The following POGZ variants were observed in gnomAD, a reference collection of about 807,000 sequenced individuals.
POGZ encodes pogo transposable element derived with ZNF domain.
A neutral mutation model predicts 134.6 loss-of-function variants in POGZ; 17 were observed. The ratio of observed to expected loss-of-function variants is 0.13; its 90% CI spans 0.09 to 0.19. The LOEUF (loss-of-function observed/expected upper bound fraction) is 0.19, where lower values mean the gene tolerates loss of function less well. Ranked by LOEUF, POGZ falls within the 10% of genes least tolerant of loss-of-function variation. POGZ has a pLI of 1.00. For missense variants in POGZ, 1,306 were observed against 1,769.7 expected (o/e 0.74, Z 4.70); for synonymous variants, 693 against 657.1 (o/e 1.05, Z -0.84).
Position 151,406,993 on chromosome 1 carries a change from G to A in POGZ, c.2463C>T (p.Thr821=). 1.2e-6 allele frequency: 2 copies of A among 1,614,038 alleles called. No homozygotes were observed. The highest frequency in any genetic ancestry group is 1.7e-6 in the Non-Finnish European group (2 of 1,179,968). ...TAGCATCGCCCACAGAGGTAACAAA[G>A]GTACATGAAGTGCAGGCCAGCTTGA... is the stretch of plus-strand genomic sequence containing the variant. The part of the protein sequence containing the change: ...SGIKLACTSC[T]FVTSVGDAMA... Residue 821 remains threonine, a synonymous_variant, in exon 17 of 19, where the codon ACC becomes ACT. Coordinates refer to ENST00000271715, the MANE Select transcript of POGZ (RefSeq NM_015100.4).
In POGZ at chr1:151,430,904, CTTTATTTTATTTTAT is replaced by C. The variant is rs60227751; in HGVS notation, c.284-78_284-64del. ...GAAACAATGTTAAACCCACATTTTA[CTTTATTTTATTTTAT>C]TTTATTTTATTTTATTTTATTTTAT... is the stretch of plus-strand genomic sequence containing the variant. On this transcript the variant is annotated intron_variant, in intron 3 of 18. Coordinates refer to ENST00000271715, the MANE Select transcript of POGZ (RefSeq NM_015100.4). The C allele has an allele frequency of 0.19, 81,852 of 426,554 alleles. 10,781 individuals are homozygous for C. Among genetic ancestry groups the C allele is most frequent in the South Asian group, 0.24 (6,068 of 25,036 alleles). 26.4% of individuals were successfully genotyped at this position (426,554 alleles called of 1,614,324 possible).
chr1:151,417,688 C>CCACA (rs59753677), intron 10 of POGZ, among the ~76,000 whole-genome samples: 3,143 of 137,508 alleles, frequency 0.023, 48 homozygotes, highest in Admixed American at 0.037. Flanking sequence ...GGTACTGTGG[C>CCACA]CACACACACA....
At chr1:151,459,116 G>A (rs1433907033) in intron 1 of POGZ, 36 bp downstream of exon 1, 5 of 151,358 alleles carry the variant, frequency 3.3e-5, no homozygotes, top group Admixed American at 6.6e-5. Context: ...CCGGGAGCAG[G>A]GGGTGGGGAG....
At chr1:151,443,509 G>A (rs1445299364) in intron 1 of POGZ, among the ~76,000 whole-genome samples, 1 of 152,196 alleles carries the variant, frequency 6.6e-6, no homozygotes. Flanking sequence ...GAGATCGGGA[G>A]TTTGAGATCA....
chr1:151,426,663 A>C (rs1657840002), intron 7 of POGZ: 1 of 151,996 alleles, frequency 6.6e-6, no homozygotes, highest in Admixed American at 6.5e-5. Context: ...AAAAGTTTTA[A>C]ATTTTGATAT....
intron 3 of POGZ, among the ~76,000 whole-genome samples, chr1:151,440,631 C>T (rs184613706): frequency 6.6e-6 from 1 of 152,036 alleles, no homozygotes; most frequent in African/African-American, 2.4e-5. Flanking sequence ...AACCAACCAA[C>T]CAAACAAAAA....
intron 15 of POGZ, 64 bp downstream of exon 15, chr1:151,408,036 A>T: frequency 2.4e-6 from 3 of 1,248,374 alleles, no homozygotes; most frequent in Non-Finnish European, 3.3e-6. Flanking sequence ...AAAAAAGAAG[A>T]AGAAGAAGAA....
chr1:151,406,623 A>G lies in POGZ; in HGVS notation c.2554T>C (p.Trp852Arg). The change falls in exon 18 of 19, where the codon TGG becomes CGG. Residue 852 changes from tryptophan to arginine, a missense_variant. By Grantham distance (101) the Trp-to-Arg change is moderately radical (BLOSUM62 -3). Coordinates refer to ENST00000271715, the MANE Select transcript of POGZ (RefSeq NM_015100.4). ...SSSILPRGLTWIAHSRHGQTR... is the reference protein window; with the variant it reads ...SSSILPRGLTRIAHSRHGQTR... Reference sequence around the variant, plus strand: ...TTTTGTTACCTTGAGTGAGCTATCCAAGTGAGTCCTATGGAAAATGAAACA... The same window carrying G: ...TTTTGTTACCTTGAGTGAGCTATCCGAGTGAGTCCTATGGAAAATGAAACA... 1 of 1,610,216 alleles carries G rather than the reference A, an allele frequency of 6.2e-7. No individual in the cohort carries two copies. The highest frequency in any genetic ancestry group is 2.2e-5 in the East Asian group (1 of 44,876).
At chr1:151,453,085 G>C (rs1327286954) in intron 1 of POGZ, among the ~76,000 whole-genome samples, 1 of 151,812 alleles carries the variant, frequency 6.6e-6, no homozygotes, top group Admixed American at 6.6e-5. Flanking sequence ...ACAACGCCCA[G>C]CTAATTTTTG....
intron 1 of POGZ, among the ~76,000 whole-genome samples, chr1:151,443,456 T>C (rs1660844218): frequency 1.3e-5 from 2 of 152,202 alleles, no homozygotes; most frequent in African/African-American, 4.8e-5. Context: ...TCCCAGCACT[T>C]TGGGAGGCCG....
intron 1 of POGZ, among the ~76,000 whole-genome samples, chr1:151,446,003 T>C (rs4147451): frequency 0.079 from 11,977 of 151,280 alleles, 1,320 homozygotes; most frequent in East Asian, 0.44. Flanking sequence ...ACACCACCAT[T>C]CTCTGTGGTC....
intron 3 of POGZ, among the ~76,000 whole-genome samples, chr1:151,439,520 C>A (rs929875304): frequency 9.9e-5 from 15 of 152,172 alleles, no homozygotes; most frequent in Non-Finnish European, 2.1e-4. Flanking sequence ...ATTATAAACA[C>A]CTGATCCAGC....
chr1:151,436,437 GCTT>G (rs374386318), intron 3 of POGZ, among the ~76,000 whole-genome samples: 50 of 151,380 alleles, frequency 3.3e-4, no homozygotes, highest in East Asian at 1.8e-3. Context: ...TTTGTGTCTG[GCTT>G]CTTTTTTCTT....
intron 12 of POGZ, 61 bp from the exon 13 acceptor site, chr1:151,408,889 T>C: frequency 6.7e-7 from 1 of 1,487,388 alleles, no homozygotes; most frequent in South Asian, 1.2e-5. Context: ...TAAATTTTCT[T>C]TTTTGAGGAG....
chr1:151,408,967 GA>G, intron 12 of POGZ, 139 bp from the exon 13 acceptor site: 1 of 751,712 alleles, frequency 1.3e-6, no homozygotes, highest in Admixed American at 2.7e-5. Flanking sequence ...GAGTAAGAAA[GA>G]AATATGCAAC....
intron 10 of POGZ, among the ~76,000 whole-genome samples, chr1:151,414,219 C>T (rs1393245790): frequency 1.3e-5 from 2 of 152,216 alleles, no homozygotes; most frequent in African/African-American, 2.4e-5. Context: ...AAGTTAACCA[C>T]ATGTTTGGGA....
chr1:151,404,684 A>G lies in POGZ; in HGVS notation c.*118T>C. On this transcript the variant is annotated 3_prime_UTR_variant, in exon 19 of 19. Coordinates refer to ENST00000271715, the MANE Select transcript of POGZ (RefSeq NM_015100.4). ...GTCAACTTCAGGGGGGAGTGGTGGT[A>G]TAAAATTAAAAAATAGAAACCAAAT... The G allele has an allele frequency of 7.0e-7, 1 of 1,423,692 alleles. No individual in the cohort carries two copies. Among genetic ancestry groups the G allele is most frequent in the African/African-American group, 1.4e-5 (1 of 69,626 alleles). 88.2% of individuals were successfully genotyped at this position (1,423,692 alleles called of 1,614,324 possible).
chr1:151,404,023 G>A lies in POGZ; in HGVS notation c.*779C>T. 1 of 985,218 alleles carries A rather than the reference G, an allele frequency of 1.0e-6. No homozygotes were observed. Among genetic ancestry groups the A allele is most frequent in the Non-Finnish European group, 1.2e-6 (1 of 829,736 alleles). The allele number at this position is 985,218 out of a possible 1,614,324, so 61.0% of individuals were successfully genotyped here. A position where few individuals can be genotyped will look rare whatever the true frequency, so the allele number is the denominator to read the frequency against. On this transcript the variant is annotated 3_prime_UTR_variant, in exon 19 of 19. Transcript: ENST00000271715. ...GGGAAAGGGGCCAAGGATCACAAGT[G>A]CAAAAAATATTGTTTATGTCATGTT...
intron 10 of POGZ, among the ~76,000 whole-genome samples, chr1:151,413,103 CTTTTTTTTTT>C (rs34480197): frequency 2.2e-5 from 2 of 92,858 alleles, no homozygotes; most frequent in African/African-American, 8.6e-5. Context: ...CGTGCCTGGG[CTTTTTTTTTT>C]TTTTTTTTTT....
Sources: allele counts gnomAD v4.1 joint callset (sites outside exome capture counted in the v4.1 genomes callset), GRCh38; gene constraint gnomAD v4.1.1; transcripts MANE v1.5; gene names NCBI Gene and HGNC (gene_info 2026-07-23, HGNC 2026-07-21).